Variants in FMNL2 observed in about 807,000 individuals in gnomAD.
FMNL2 encodes formin-like protein 2.
FMNL2 carries 51 observed loss-of-function variants against 130.2 expected under a neutral mutation model. The observed-to-expected ratio is 0.39, with a 90% CI of 0.31 to 0.49. The LOEUF (loss-of-function observed/expected upper bound fraction) is 0.49. Among genes scored for constraint, FMNL2 ranks in the 20% least tolerant of loss-of-function variants. FMNL2 has a pLI of 0.85. For synonymous variants in FMNL2, 465 were observed against 467.1 expected (o/e 1.00, Z 0.06); for missense variants, 977 against 1,316.2 (o/e 0.74, Z 3.99).
intron 1 of FMNL2, among the ~76,000 whole-genome samples, chr2:152,377,419 T>C (rs1461721610): frequency 1.3e-5 from 2 of 152,266 alleles, no homozygotes; most frequent in Non-Finnish European, 2.9e-5. Context: ...AGAGTTCTTG[T>C]TGAAAGTTAA....
At chr2:152,592,382 A>T (rs1558990742) in intron 9 of FMNL2, among the ~76,000 whole-genome samples, 3 of 152,202 alleles carry the variant, frequency 2.0e-5, no homozygotes, top group Admixed American at 2.0e-4. Context: ...TTGAAATTTA[A>T]ACTCTTGTAA....
At position 152,429,231 on chromosome 2, in the gene FMNL2, A is replaced by G. The variant is rs562649055; in HGVS notation, c.118-92712A>G. ...TTAGAGGAACAAAAAAAAAAAAAAA[A>G]AAAGAAAGAAAATGGTTAAAGCTGA... is the stretch of plus-strand genomic sequence containing the variant. On this transcript the variant is annotated intron_variant, in intron 1 of 25. Transcript: ENST00000288670. Among the ~76,000 whole-genome samples the G allele has an allele frequency of 1.9e-3, 287 of 151,870 alleles. 1 individual carries two copies. The highest frequency in any genetic ancestry group is 7.5e-3 in the East Asian group (39 of 5,168).
At chr2:152,621,559 T>A (rs1263659801) in intron 15 of FMNL2, among the ~76,000 whole-genome samples, 1 of 152,190 alleles carries the variant, frequency 6.6e-6, no homozygotes, top group Non-Finnish European at 1.5e-5. Context: ...TTTAGAGGAC[T>A]GTAGGTGGGA....
intron 4 of FMNL2, among the ~76,000 whole-genome samples, chr2:152,556,622 T>G (rs985946939): frequency 1.3e-5 from 2 of 152,132 alleles, no homozygotes; most frequent in African/African-American, 2.4e-5. Flanking sequence ...TTAAAAAAAT[T>G]TAGTTTTTCT....
intron 1 of FMNL2, among the ~76,000 whole-genome samples, chr2:152,342,554 ACCTAC>A: frequency 6.6e-6 from 1 of 152,068 alleles, no homozygotes; most frequent in Non-Finnish European, 1.5e-5. Flanking sequence ...CTTAGTTCTC[ACCTAC>A]TTGAACACTG....
intron 6 of FMNL2, among the ~76,000 whole-genome samples, chr2:152,567,224 T>C (rs150603789): frequency 6.6e-6 from 1 of 152,250 alleles, no homozygotes; most frequent in African/African-American, 2.4e-5. Flanking sequence ...TGGAATATAA[T>C]GAAAAATAAG....
chr2:152,552,715 G>C (rs990559200), intron 4 of FMNL2, among the ~76,000 whole-genome samples: 3 of 152,170 alleles, frequency 2.0e-5, no homozygotes, highest in African/African-American at 7.2e-5. Flanking sequence ...CTAAGCTTTT[G>C]AAATTACTTG....
intron 1 of FMNL2, among the ~76,000 whole-genome samples, chr2:152,383,815 G>C (rs957938857): frequency 5.3e-5 from 8 of 152,164 alleles, no homozygotes; most frequent in Non-Finnish European, 7.4e-5. Context: ...TTATGGCAAA[G>C]AAATGAGGAG....
intron 1 of FMNL2, among the ~76,000 whole-genome samples, chr2:152,488,410 C>T (rs1487012547): frequency 3.9e-5 from 6 of 152,238 alleles, no homozygotes; most frequent in Non-Finnish European, 7.3e-5. Context: ...AAGGCCAAGA[C>T]ACACGAGCAA....
chr2:152,345,681 G>C (rs1318183817), intron 1 of FMNL2, among the ~76,000 whole-genome samples: 1 of 152,140 alleles, frequency 6.6e-6, no homozygotes, highest in African/African-American at 2.4e-5. Flanking sequence ...CTTCTGCCTG[G>C]TGAACCTAGG....
At chr2:152,600,112 A>C (rs953242167) in intron 9 of FMNL2, among the ~76,000 whole-genome samples, 5 of 152,226 alleles carry the variant, frequency 3.3e-5, no homozygotes, top group African/African-American at 1.2e-4. Context: ...CTAACTATGA[A>C]ATAACTGTTT....
intron 1 of FMNL2, among the ~76,000 whole-genome samples, chr2:152,453,287 C>T (rs1350379678): frequency 6.6e-6 from 1 of 152,124 alleles, no homozygotes; most frequent in Non-Finnish European, 1.5e-5. Flanking sequence ...ATTCTGGGCC[C>T]TGACTGACCC....
chr2:152,632,689 G>A (rs868491580), intron 21 of FMNL2, among the ~76,000 whole-genome samples: 9 of 152,094 alleles, frequency 5.9e-5, no homozygotes, highest in South Asian at 2.1e-4. Flanking sequence ...GAGATTTTTC[G>A]AGGTTAAATG....
chr2:152,623,398 G>C (rs139891046), intron 15 of FMNL2, among the ~76,000 whole-genome samples: 31 of 152,354 alleles, frequency 2.0e-4, no homozygotes, highest in Middle Eastern at 3.4e-3. Context: ...TGAGGAATCT[G>C]ACACTGTGGC....
chr2:152,456,645 A>C (rs1434844809), intron 1 of FMNL2, among the ~76,000 whole-genome samples: 1 of 152,132 alleles, frequency 6.6e-6, no homozygotes, highest in Non-Finnish European at 1.5e-5. Flanking sequence ...GAAGTGGTGT[A>C]TTTTGAAAAC....
intron 9 of FMNL2, among the ~76,000 whole-genome samples, chr2:152,593,838 G>GGAGAGAGAGAGAGAGAGAGAGAGA (rs147035875): frequency 1.2e-5 from 1 of 85,052 alleles, no homozygotes; most frequent in African/African-American, 4.2e-5. Context: ...AGGTGACTAG[G>GGAGAGAGAGAGAGAGAGAGAGAGA]GAGAGAGAGA....
chr2:152,595,962 CTTT>C (rs542948085), intron 9 of FMNL2, among the ~76,000 whole-genome samples: 34 of 131,836 alleles, frequency 2.6e-4, no homozygotes, highest in African/African-American at 2.8e-4. Context: ...GCAAGGAAGT[CTTT>C]TTTTTTTTTT....
chr2:152,647,739 C>T, intron 25 of FMNL2, 57 bp from the exon 26 acceptor site: 1 of 1,558,378 alleles, frequency 6.4e-7, no homozygotes, highest in East Asian at 2.2e-5. Flanking sequence ...CTTTGTCCTG[C>T]TTAGACACAT....
intron 1 of FMNL2, among the ~76,000 whole-genome samples, chr2:152,490,185 A>AT (rs1558907674): frequency 6.6e-6 from 1 of 151,950 alleles, no homozygotes; most frequent in African/African-American, 2.4e-5. Context: ...TTGCAAAAAA[A>AT]GGGGAAAGAG....
Sources: gnomAD v4.1 joint callset for allele counts (sites outside exome capture counted in the v4.1 genomes callset) on GRCh38, gnomAD v4.1.1 for gene constraint, MANE v1.5 for transcripts, NCBI Gene and HGNC (gene_info 2026-07-23, HGNC 2026-07-21) for gene names.